The following TTC7A variants were observed in gnomAD, a reference collection of about 807,000 sequenced individuals.
The protein encoded by TTC7A is tetratricopeptide repeat protein 7A.
TTC7A carries 110 observed loss-of-function variants against 103.7 expected under a neutral mutation model. The ratio of observed to expected loss-of-function variants is 1.06; its 90% confidence interval spans 0.91 to 1.24. The LOEUF (loss-of-function observed/expected upper bound fraction) is 1.24. Among genes scored for constraint, TTC7A ranks in the 50% most tolerant of loss-of-function variants. The pLI, the probability that TTC7A is intolerant of heterozygous loss-of-function variation, is 0.00. For synonymous variants in TTC7A, 521 were observed against 467.9 expected, an observed-to-expected ratio of 1.11 and a Z score of -1.47; for missense variants, 1,340 against 1,116.3, an observed-to-expected ratio of 1.20 and a Z score of -2.86.
upstream of TTC7A, among the ~76,000 whole-genome samples, chr2:46,938,038 C>CT (rs1266924610): frequency 6.6e-6 from 1 of 152,056 alleles, no homozygotes; most frequent in Non-Finnish European, 1.5e-5. Context: ...ACTCTTTTCT[C>CT]TTTTTGTGAA....
intron 15 of TTC7A, among the ~76,000 whole-genome samples, chr2:47,039,273 A>C (rs550628536): frequency 6.6e-6 from 1 of 152,318 alleles, no homozygotes; most frequent in South Asian, 2.1e-4. Context: ...GCAGGTGCTG[A>C]GTAACTACAG....
intron 12 of TTC7A, among the ~76,000 whole-genome samples, chr2:47,022,662 G>A (rs1679421240): frequency 6.6e-6 from 1 of 152,064 alleles, no homozygotes. Context: ...TCCCCCAAAC[G>A]CCAGTTGCTG....
At chr2:47,065,513 A>C (rs1384773871) in intron 19 of TTC7A, among the ~76,000 whole-genome samples, 1 of 152,208 alleles carries the variant, frequency 6.6e-6, no homozygotes, top group African/African-American at 2.4e-5. Context: ...ATAAGGTTCT[A>C]ACGTTGTCTT....
chr2:46,926,777 GAAGA>G (rs1669405466), intron 2 of TTC7A, among the ~76,000 whole-genome samples: 1 of 152,204 alleles, frequency 6.6e-6, no homozygotes, highest in East Asian at 1.9e-4. Context: ...ACACAAACTA[GAAGA>G]AAGAGCAATC....
intron 3 of TTC7A, among the ~76,000 whole-genome samples, chr2:46,966,791 T>A (rs1365600700): frequency 2.0e-3 from 30 of 14,712 alleles, no homozygotes; most frequent in South Asian, 0.02. Flanking sequence ...CACCCCCAGC[T>A]TTTTTTTTTT....
At chr2:46,983,720 T>A (rs1674719665) in intron 5 of TTC7A, among the ~76,000 whole-genome samples, 1 of 152,242 alleles carries the variant, frequency 6.6e-6, no homozygotes, top group South Asian at 2.1e-4. Context: ...TTCATTTGCA[T>A]ATAATCTCAC....
At chr2:47,044,874 G>A (rs1427428741) in intron 15 of TTC7A, among the ~76,000 whole-genome samples, 2 of 152,226 alleles carry the variant, frequency 1.3e-5, no homozygotes, top group Non-Finnish European at 1.5e-5. Context: ...AGGGCTTCAT[G>A]AAGCTGGGAG....
At chr2:47,040,682 G>A (rs1035260557) in intron 15 of TTC7A, among the ~76,000 whole-genome samples, 6 of 152,222 alleles carry the variant, frequency 3.9e-5, no homozygotes, top group African/African-American at 1.4e-4. Context: ...CCGGCCTGCG[G>A]CTTCAAAGCA....
At chr2:46,999,176 C>G (rs1051037994) in intron 8 of TTC7A, among the ~76,000 whole-genome samples, 26 of 152,102 alleles carry the variant, frequency 1.7e-4, no homozygotes, top group Admixed American at 9.8e-4. Flanking sequence ...ACCCATTAAT[C>G]CATTCATCCA....
intron 5 of TTC7A, among the ~76,000 whole-genome samples, chr2:46,991,141 A>C (rs1385638211): frequency 6.6e-6 from 1 of 151,690 alleles, no homozygotes; most frequent in Non-Finnish European, 1.5e-5. Context: ...GTCTTGAACT[A>C]CTGACCTCAA....
upstream of TTC7A, among the ~76,000 whole-genome samples, chr2:46,936,438 G>C (rs974387929): frequency 6.6e-6 from 1 of 152,122 alleles, no homozygotes; most frequent in Non-Finnish European, 1.5e-5. Flanking sequence ...GTTTGGTTCA[G>C]GACAATCTCT....
rs77652838 is a variant in TTC7A at position 47,011,089 on chromosome 2, C to T, written c.1288-242C>T. 0.023 allele frequency among the ~76,000 whole-genome samples: 3,562 copies of T among 152,294 alleles called. 123 individuals carry two copies. The highest frequency in any genetic ancestry group is 0.18 in the East Asian group (919 of 5,164). On this transcript the variant is annotated intron_variant, in intron 10 of 19. Transcript: ENST00000319190. The stretch of plus-strand genomic sequence containing the variant: ...GACCTTCCATTCGTTTTCATGTTAG[C>T]TGTCATCATGTTACCTAAAGAGCAA...
chr2:46,916,593 C>G (rs958031572), intron 1 of TTC7A: 1 of 154,224 alleles, frequency 6.5e-6, no homozygotes, highest in African/African-American at 2.4e-5. Flanking sequence ...TATCCATTGA[C>G]CTGATGGATA....
chr2:46,924,519 G>A (rs1572638748), intron 2 of TTC7A, among the ~76,000 whole-genome samples: 1 of 152,058 alleles, frequency 6.6e-6, no homozygotes, highest in East Asian at 1.9e-4. Context: ...AATATATTGA[G>A]TATGAGTGTT....
chr2:46,930,815 T>C (rs1412621463), intron 2 of TTC7A, among the ~76,000 whole-genome samples: 1 of 152,146 alleles, frequency 6.6e-6, no homozygotes, highest in Non-Finnish European at 1.5e-5. Flanking sequence ...TCCTATAATT[T>C]TTAAAGAAAT....
chr2:46,962,727 C>T (rs1327228373), intron 3 of TTC7A, among the ~76,000 whole-genome samples: 1 of 152,210 alleles, frequency 6.6e-6, no homozygotes, highest in East Asian at 1.9e-4. Context: ...ATGGGAAGCT[C>T]TGCCTTGACT....
intron 18 of TTC7A, among the ~76,000 whole-genome samples, chr2:47,053,396 G>T (rs1558632822): frequency 1.3e-5 from 2 of 152,216 alleles, no homozygotes; most frequent in South Asian, 4.1e-4. Flanking sequence ...CATGATGGGG[G>T]CTTCACCAGC....
At chr2:47,024,615 G>A (rs1305077730) in intron 14 of TTC7A, among the ~76,000 whole-genome samples, 1 of 152,092 alleles carries the variant, frequency 6.6e-6, no homozygotes, top group Non-Finnish European at 1.5e-5. Flanking sequence ...CATTTCAGTG[G>A]ACTGAGATGT....
At chr2:46,985,247 G>T (rs1295957695) in intron 5 of TTC7A, among the ~76,000 whole-genome samples, 1 of 151,986 alleles carries the variant, frequency 6.6e-6, no homozygotes. Context: ...CAGGATCCTG[G>T]CTCCACCCTG....
Sources: gnomAD v4.1 joint callset for allele counts (sites outside exome capture counted in the v4.1 genomes callset) on GRCh38, gnomAD v4.1.1 for gene constraint, MANE v1.5 for transcripts, NCBI Gene and HGNC (gene_info 2026-07-23, HGNC 2026-07-21) for gene names.